The following ADAM22 variants were observed in gnomAD, a reference collection of about 807,000 sequenced individuals.
ADAM22 encodes the protein disintegrin and metalloproteinase domain-containing protein 22.
ADAM22 carries 65 observed loss-of-function variants against 144.6 expected under a neutral mutation model. The observed-to-expected ratio is 0.45, with a 90% confidence interval of 0.37 to 0.55. The LOEUF (loss-of-function observed/expected upper bound fraction) is 0.55. ADAM22 is among the 20% of genes least tolerant of loss of function. The pLI, the probability that ADAM22 is intolerant of heterozygous loss-of-function variation, is 0.00. For missense variants in ADAM22, 974 were observed against 1,184.9 expected (o/e 0.82, Z 2.61); for synonymous variants, 391 against 412.6 (o/e 0.95, Z 0.63).
At chr7:88,004,436 T>C (rs1793312385) in intron 3 of ADAM22, among the ~76,000 whole-genome samples, 2 of 152,202 alleles carry the variant, frequency 1.3e-5, no homozygotes, top group Admixed American at 1.3e-4. Context: ...CTCAAAATAA[T>C]AGAACACTAC....
intron 24 of ADAM22, among the ~76,000 whole-genome samples, chr7:88,167,679 A>T (rs866677906): frequency 5.3e-5 from 8 of 152,186 alleles, no homozygotes; most frequent in South Asian, 2.1e-4. Context: ...CTCCCTTAAG[A>T]AGCTTGTATT....
intron 3 of ADAM22, among the ~76,000 whole-genome samples, chr7:87,999,371 T>G (rs1429221504): frequency 6.6e-6 from 1 of 151,666 alleles, no homozygotes; most frequent in African/African-American, 2.4e-5. Flanking sequence ...ATGATCTATG[T>G]GGGGTGTTAT....
rs1234468090 is a variant in ADAM22 at position 88,120,479 on chromosome 7, T to C, written c.607+3665T>C. On this transcript the variant is annotated intron_variant, in intron 7 of 31. Coordinates refer to ENST00000413139, the MANE Select transcript of ADAM22 (RefSeq NM_001324418.2). ...CAGCACTCTATGAGAGTTTTAATTG[T>C]TCCACATCTTGACCAACATTTGCTC... 2.0e-5 allele frequency among the ~76,000 whole-genome samples: 3 copies of C among 152,352 alleles called. No homozygotes were observed. In the East Asian group the frequency reaches 5.8e-4, roughly 29 times the overall value.
At position 88,193,101 on chromosome 7, in the gene ADAM22, T is replaced by C; in HGVS notation, c.2751-15T>C. On this transcript the variant is annotated splice_polypyrimidine_tract_variant and intron_variant, in intron 30 of 31. Transcript: ENST00000413139. ...GCAATCACATGATACTTAATTCATG[T>C]TCTCAACATCTCAGGACTTTATCTC... 1.2e-6 allele frequency: 2 copies of C among 1,613,780 alleles called. No homozygotes were observed. Among genetic ancestry groups the C allele is most frequent in the South Asian group, 2.2e-5 (2 of 91,054 alleles).
intron 2 of ADAM22, among the ~76,000 whole-genome samples, chr7:87,946,543 G>C (rs1843707303): frequency 6.6e-6 from 1 of 152,086 alleles, no homozygotes; most frequent in African/African-American, 2.4e-5. Context: ...TGAAAGTTAG[G>C]GGTCCAGTTT....
chr7:88,081,886 C>G (rs923382357), intron 4 of ADAM22, among the ~76,000 whole-genome samples: 15 of 150,528 alleles, frequency 1.0e-4, no homozygotes, highest in Admixed American at 7.3e-4. Context: ...TAGGAAGAAT[C>G]AATATCGTGA....
chr7:88,047,625 T>C (rs1182383832), intron 3 of ADAM22, among the ~76,000 whole-genome samples: 1 of 152,218 alleles, frequency 6.6e-6, no homozygotes, highest in Non-Finnish European at 1.5e-5. Context: ...AAATGATTTT[T>C]TGTTATGTAC....
chr7:88,119,128 A>G (rs1828589148), intron 7 of ADAM22, among the ~76,000 whole-genome samples: 1 of 152,192 alleles, frequency 6.6e-6, no homozygotes. Flanking sequence ...TCTCAGGACT[A>G]GTGTTTCTGA....
intron 9 of ADAM22, among the ~76,000 whole-genome samples, chr7:88,130,062 T>A (rs917277566): frequency 6.6e-6 from 1 of 152,114 alleles, no homozygotes. Context: ...CATAGACAAC[T>A]TTCATATGTT....
chr7:88,168,838 C>CT lies in ADAM22; in HGVS notation c.2282+612dup, dbSNP rs144858258. ...TCCAGTCCACAGGCCTGGGGTTTTTCTCCATTTGGAAGGCCTGCAGCTTGT... is the reference window on the plus strand; with the variant it reads ...TCCAGTCCACAGGCCTGGGGTTTTTCTTCCATTTGGAAGGCCTGCAGCTTGT... On this transcript the variant is annotated intron_variant, in intron 25 of 31. Transcript: ENST00000413139. Among the ~76,000 whole-genome samples, 108 of 152,282 alleles carry CT rather than the reference C, an allele frequency of 7.1e-4. 1 individual carries two copies. In the East Asian group the frequency reaches 0.019, roughly 27 times the overall value.
chr7:88,085,799 T>G (rs752340458), intron 4 of ADAM22, among the ~76,000 whole-genome samples: 2 of 152,204 alleles, frequency 1.3e-5, no homozygotes, highest in Non-Finnish European at 1.5e-5. Context: ...CTGACTTTTA[T>G]CATAACCCCT....
chr7:88,043,127 A>G (rs540455870), intron 3 of ADAM22, among the ~76,000 whole-genome samples: 291 of 151,996 alleles, frequency 1.9e-3, no homozygotes, highest in African/African-American at 6.8e-3. Flanking sequence ...TTTGAAACAT[A>G]GATCTCAGGG....
chr7:88,109,543 A>G (rs1362425777), intron 5 of ADAM22, among the ~76,000 whole-genome samples: 1 of 151,994 alleles, frequency 6.6e-6, no homozygotes, highest in Non-Finnish European at 1.5e-5. Context: ...TTTTGTTACC[A>G]TCTTAGAGAT....
chr7:88,074,890 A>G (rs1057269652), intron 3 of ADAM22, among the ~76,000 whole-genome samples: 7 of 152,212 alleles, frequency 4.6e-5, no homozygotes, highest in Non-Finnish European at 5.9e-5. Context: ...AGTTGGCTCA[A>G]TGTCTATTAA....
chr7:88,056,668 C>T (rs910337825), intron 3 of ADAM22, among the ~76,000 whole-genome samples: 2 of 152,134 alleles, frequency 1.3e-5, no homozygotes. Context: ...ATGTTTTCTC[C>T]TTTTCCATCT....
At chr7:88,064,589 C>T (rs745621470) in intron 3 of ADAM22, among the ~76,000 whole-genome samples, 1 of 152,240 alleles carries the variant, frequency 6.6e-6, no homozygotes, top group Non-Finnish European at 1.5e-5. Flanking sequence ...GGTAAGGGGT[C>T]ATTCACTGCT....
chr7:88,029,013 A>G (rs2129469096), intron 3 of ADAM22, among the ~76,000 whole-genome samples: 1 of 152,118 alleles, frequency 6.6e-6, no homozygotes, highest in African/African-American at 2.4e-5. Flanking sequence ...ATACATAGTC[A>G]GTATATATAT....
At chr7:88,041,407 A>G (rs796851535) in intron 3 of ADAM22, among the ~76,000 whole-genome samples, 3 of 151,860 alleles carry the variant, frequency 2.0e-5, no homozygotes, top group Non-Finnish European at 4.4e-5. Flanking sequence ...TTACATTAGT[A>G]TGTGCATGTT....
intron 17 of ADAM22, among the ~76,000 whole-genome samples, chr7:88,147,077 A>G (rs1050221411): frequency 2.6e-4 from 40 of 152,236 alleles, no homozygotes; most frequent in Non-Finnish European, 4.1e-4. Context: ...GATTTATACA[A>G]CTAGGCTCCC....
Sources: gnomAD v4.1 joint callset for allele counts (sites outside exome capture counted in the v4.1 genomes callset) on GRCh38, gnomAD v4.1.1 for gene constraint, MANE v1.5 for transcripts, NCBI Gene and HGNC (gene_info 2026-07-23, HGNC 2026-07-21) for gene names.